Variants in SLC44A1 observed in about 807,000 individuals in gnomAD.
SLC44A1 encodes the protein solute carrier family 44 member 1, also known as choline transporter-like protein 1.
In SLC44A1, 26 loss-of-function variants were observed where a neutral mutation model predicts 79.3. That is an observed-to-expected ratio of 0.33 (90% CI 0.24 to 0.46). The LOEUF is 0.46. Among genes scored for constraint, SLC44A1 ranks in the 20% least tolerant of loss-of-function variants. The pLI is 1.00. For missense variants in SLC44A1, 688 were observed against 798.1 expected, an observed-to-expected ratio of 0.86 and a Z score of 1.66; for synonymous variants, 263 against 286.2, an observed-to-expected ratio of 0.92 and a Z score of 0.82.
chr9:105,328,755 T>A (rs1341932917), intron 3 of SLC44A1, among the ~76,000 whole-genome samples: 1 of 152,188 alleles, frequency 6.6e-6, no homozygotes, highest in Non-Finnish European at 1.5e-5. Context: ...ATTGTCTCTT[T>A]GGGGGTTGGT....
chr9:105,434,690 C>G (rs1306374122), intron 15 of SLC44A1, among the ~76,000 whole-genome samples: 1 of 152,176 alleles, frequency 6.6e-6, no homozygotes, highest in East Asian at 1.9e-4. Flanking sequence ...ACTGAATCTT[C>G]CAGTCACTCA....
At chr9:105,387,050 A>AT (rs1170191623) in intron 15 of SLC44A1, among the ~76,000 whole-genome samples, 3 of 1,416 alleles carry the variant, frequency 2.1e-3, no homozygotes, top group Admixed American at 0.017. Flanking sequence ...AAAAAAAAAA[A>AT]AAAAAAAAAA....
At position 105,268,522 on chromosome 9, in the gene SLC44A1, A is replaced by G. The variant is rs572701832; in HGVS notation, c.36+23618A>G. Among the ~76,000 whole-genome samples the G allele has an allele frequency of 3.0e-4, 45 of 151,014 alleles. 1 individual carries two copies. The South Asian group carries it at 9.4e-3, about 32-fold the overall frequency. On this transcript the variant is annotated intron_variant, in intron 1 of 15. Coordinates refer to ENST00000374720, the MANE Select transcript of SLC44A1 (RefSeq NM_080546.5). ...TTTTAACGATCTTCTTTTTTTTTTG[A>G]GACGGAGTTTCGCTCTTGTTGCCCA... is the stretch of plus-strand genomic sequence containing the variant.
Position 105,391,508 on chromosome 9 carries a change from C to G in SLC44A1, c.*2452C>G. ...AATTCATGTGCCGTGTAGAAATATG[C>G]AGATATGCATTACACAGGCACACAC... On this transcript the variant is annotated 3_prime_UTR_variant, in exon 16 of 16. Coordinates refer to ENST00000374720, the MANE Select transcript of SLC44A1 (RefSeq NM_080546.5). 1 of 985,394 alleles carries G rather than the reference C, an allele frequency of 1.0e-6. No homozygotes were observed. The highest frequency in any genetic ancestry group is 5.2e-4 in the Middle Eastern group (1 of 1,914). 61.0% of individuals were successfully genotyped at this position (985,394 alleles called of 1,614,324 possible).
At chr9:105,387,903 TAGAA>T (rs1489457781) in intron 15 of SLC44A1, among the ~76,000 whole-genome samples, 1 of 152,226 alleles carries the variant, frequency 6.6e-6, no homozygotes, top group Non-Finnish European at 1.5e-5. Context: ...CCAAATATTT[TAGAA>T]AGAGTTGTTT....
chr9:105,254,929 C>G (rs1385309411), intron 1 of SLC44A1, among the ~76,000 whole-genome samples: 2 of 152,082 alleles, frequency 1.3e-5, no homozygotes, highest in Admixed American at 6.5e-5. Flanking sequence ...GTGTTTATCT[C>G]TGTTTCAAAA....
intron 7 of SLC44A1, among the ~76,000 whole-genome samples, chr9:105,358,927 G>C (rs971337450): frequency 6.6e-6 from 1 of 152,008 alleles, no homozygotes; most frequent in Non-Finnish European, 1.5e-5. Flanking sequence ...GATTATTAAA[G>C]TCAGAAATAA....
At chr9:105,260,227 A>G (rs1829808859) in intron 1 of SLC44A1, among the ~76,000 whole-genome samples, 1 of 152,166 alleles carries the variant, frequency 6.6e-6, no homozygotes, top group Non-Finnish European at 1.5e-5. Context: ...ACCCCATTTG[A>G]AAAGTAATCA....
chr9:105,344,569 G>A (rs183566166), intron 4 of SLC44A1, among the ~76,000 whole-genome samples: 26 of 152,174 alleles, frequency 1.7e-4, no homozygotes, highest in African/African-American at 5.5e-4. Context: ...TGTAGCAAAT[G>A]GTGAAAAGCA....
At position 105,394,657 on chromosome 9, in the gene SLC44A1, A is replaced by C; in HGVS notation, c.*5601A>C. On this transcript the variant is annotated 3_prime_UTR_variant, in exon 16 of 16. Transcript: ENST00000374720. ...GTTATCAGTATACTACTGTCTTAAA[A>C]TATATTTGTCAACATGTCCAGTTCC... The C allele has an allele frequency of 3.0e-6, 3 of 985,366 alleles. No individual in the cohort carries two copies. Among genetic ancestry groups the C allele is most frequent in the Non-Finnish European group, 3.6e-6 (3 of 829,862 alleles). The allele number at this position is 985,366 out of a possible 1,614,324, so 61.0% of individuals were successfully genotyped here. A position where few individuals can be genotyped will look rare whatever the true frequency, so the allele number is the denominator to read the frequency against.
intron 1 of SLC44A1, among the ~76,000 whole-genome samples, chr9:105,276,598 G>GTGTGTGTGTGTGTGTGTGTT (rs1830210191): frequency 6.7e-6 from 1 of 150,246 alleles, no homozygotes; most frequent in East Asian, 1.9e-4. Flanking sequence ...GTGTGTGTGT[G>GTGTGTGTGTGTGTGTGTGTT]TGTGTGTGTG....
At chr9:105,245,451 A>G (rs571331740) in intron 1 of SLC44A1, among the ~76,000 whole-genome samples, 1 of 152,238 alleles carries the variant, frequency 6.6e-6, no homozygotes, top group Non-Finnish European at 1.5e-5. Context: ...CTGGGTTCAG[A>G]TGGTTTCAGC....
intron 5 of SLC44A1, among the ~76,000 whole-genome samples, chr9:105,355,540 A>G (rs539191898): frequency 4.4e-4 from 67 of 152,350 alleles, no homozygotes; most frequent in South Asian, 2.1e-3. Flanking sequence ...GAGATATCAC[A>G]TTAGATATAC....
chr9:105,271,733 C>T (rs1467136241), intron 1 of SLC44A1, among the ~76,000 whole-genome samples: 2 of 152,164 alleles, frequency 1.3e-5, no homozygotes, highest in African/African-American at 4.8e-5. Flanking sequence ...CCTGCCTCAG[C>T]CTCCCAGGTA....
At chr9:105,352,809 T>C (rs1427585053) in intron 5 of SLC44A1, among the ~76,000 whole-genome samples, 1 of 152,206 alleles carries the variant, frequency 6.6e-6, no homozygotes, top group Non-Finnish European at 1.5e-5. Context: ...AACGCTAAAA[T>C]ATAAAACAAA....
At chr9:105,348,482 G>T (rs1564450537) in intron 5 of SLC44A1, 31 bp downstream of exon 5, 1 of 1,314,808 alleles carries the variant, frequency 7.6e-7, no homozygotes, top group Non-Finnish European at 1.1e-6. Context: ...GTTAACTTGT[G>T]ACTGTTGTTT....
intron 15 of SLC44A1, among the ~76,000 whole-genome samples, chr9:105,429,552 G>A (rs969980384): frequency 3.3e-5 from 5 of 152,054 alleles, no homozygotes; most frequent in Non-Finnish European, 5.9e-5. Flanking sequence ...ATCCTCCTGC[G>A]TTGACCTCTC....
chr9:105,259,437 A>G (rs1372899674), intron 1 of SLC44A1, among the ~76,000 whole-genome samples: 1 of 152,224 alleles, frequency 6.6e-6, no homozygotes, highest in Non-Finnish European at 1.5e-5. Flanking sequence ...AAATGGCCTC[A>G]ATAAAGTTGA....
At chr9:105,283,984 A>G (rs1431583398) in intron 1 of SLC44A1, among the ~76,000 whole-genome samples, 1 of 152,186 alleles carries the variant, frequency 6.6e-6, no homozygotes, top group Non-Finnish European at 1.5e-5. Flanking sequence ...GCCTCAGTTC[A>G]GTAGCCTGAA....
Sources: allele counts gnomAD v4.1 joint callset (sites outside exome capture counted in the v4.1 genomes callset), GRCh38; gene constraint gnomAD v4.1.1; transcripts MANE v1.5; gene names NCBI Gene and HGNC (gene_info 2026-07-23, HGNC 2026-07-21).